SLC14A2: variants seen among roughly 807,000 people sequenced by gnomAD.
The protein encoded by SLC14A2 is urea transporter 2.
In SLC14A2, 91 loss-of-function variants were observed where a neutral mutation model predicts 104.6. That is an observed-to-expected ratio of 0.87 (90% CI 0.73 to 1.04). The LOEUF (loss-of-function observed/expected upper bound fraction) is 1.04, where lower values mean the gene tolerates loss of function less well. SLC14A2 is among the 50% of genes least tolerant of loss of function. The pLI, the probability that SLC14A2 is intolerant of heterozygous loss-of-function variation, is 0.00. For synonymous variants in SLC14A2, 476 were observed against 466.4 expected (o/e 1.02, Z -0.27); for missense variants, 1,189 against 1,156.0 (o/e 1.03, Z -0.41).
At chr18:45,171,759 C>T in the SLC14A2 span, among the ~76,000 whole-genome samples, 1 of 152,126 alleles carries the variant, frequency 6.6e-6, no homozygotes, top group Non-Finnish European at 1.5e-5. Context: ...TACCAGATAA[C>T]AGTAGGCCAA....
Position 45,624,732 on chromosome 18 carries a change from C to T in SLC14A2, c.68C>T (p.Ala23Val). The T allele has an allele frequency of 6.2e-7, 1 of 1,613,486 alleles. No individual in the cohort carries two copies. The highest frequency in any genetic ancestry group is 8.5e-7 in the Non-Finnish European group (1 of 1,179,682). Reference sequence around the variant, plus strand: ...TCCAGCAGATACAAACTCTACGAGGCAGAGTTTACCAGCCCGAGCTGGCCC... The same window carrying T: ...TCCAGCAGATACAAACTCTACGAGGTAGAGTTTACCAGCCCGAGCTGGCCC... ...PLSSRYKLYE[A>V]EFTSPSWPST... The change falls in exon 2 of 20, where the codon GCA (alanine) becomes GTA (valine). Residue 23 changes from alanine to valine, a missense_variant. Transcript: ENST00000255226.
At chr18:45,200,393 A>T in the SLC14A2 span, among the ~76,000 whole-genome samples, 4 of 152,208 alleles carry the variant, frequency 2.6e-5, no homozygotes, top group Non-Finnish European at 5.9e-5. Flanking sequence ...TACCTTTATC[A>T]ATACATTAGT....
At chr18:45,279,349 A>G (rs890157111) in intron 1 of SLC14A2, among the ~76,000 whole-genome samples, 2 of 152,348 alleles carry the variant, frequency 1.3e-5, no homozygotes, top group Middle Eastern at 3.4e-3. Context: ...GTTTCCTCGT[A>G]CTGCTCAGGT....
intron 2 of SLC14A2, among the ~76,000 whole-genome samples, chr18:45,508,353 A>G (rs941152291): frequency 6.6e-6 from 1 of 152,208 alleles, no homozygotes; most frequent in African/African-American, 2.4e-5. Flanking sequence ...TTAAATCATG[A>G]GAGCAGGTCT....
chr18:45,667,903 C>T lies in SLC14A2; in HGVS notation c.1788C>T (p.Asn596=). Residue 596 remains asparagine (N), a synonymous_variant, in exon 14 of 20, where the codon AAC becomes AAT. Coordinates refer to ENST00000255226, the MANE Select transcript of SLC14A2 (RefSeq NM_007163.4). The stretch of plus-strand genomic sequence containing the variant: ...CATCTCAAGTGATGTTTGTGAACAA[C>T]CCCCTCAGCGGCATCCTCATCATCC... ...RGTSQVMFVN[N]PLSGILIILG... is the part of the protein sequence containing the mutation. 1 of 1,614,100 alleles carries T rather than the reference C, an allele frequency of 6.2e-7. No homozygotes were observed. Among genetic ancestry groups the T allele is most frequent in the Non-Finnish European group, 8.5e-7 (1 of 1,179,956 alleles).
chr18:45,436,867 C>T (rs1217569336), intron 1 of SLC14A2: 1 of 151,982 alleles, frequency 6.6e-6, no homozygotes, highest in Non-Finnish European at 1.5e-5. Flanking sequence ...TGCATATTCA[C>T]ATCAAAAGGT....
chr18:45,196,438 C>G, the SLC14A2 span, among the ~76,000 whole-genome samples: 1 of 152,124 alleles, frequency 6.6e-6, no homozygotes, highest in Non-Finnish European at 1.5e-5. Flanking sequence ...TTTCCCTCTG[C>G]GAAGCTGTGA....
intron 1 of SLC14A2, among the ~76,000 whole-genome samples, chr18:45,457,929 G>A (rs1351792963): frequency 2.0e-5 from 3 of 152,192 alleles, no homozygotes; most frequent in Non-Finnish European, 2.9e-5. Context: ...ATGGGGAGAC[G>A]AGTGTCAAGA....
the SLC14A2 span, among the ~76,000 whole-genome samples, chr18:45,200,700 C>T: frequency 6.6e-6 from 1 of 152,034 alleles, no homozygotes; most frequent in African/African-American, 2.4e-5. Context: ...TGTTGAATGC[C>T]ATTGTTTTCA....
chr18:45,626,750 T>C (rs1266223194), intron 3 of SLC14A2, among the ~76,000 whole-genome samples: 1 of 152,102 alleles, frequency 6.6e-6, no homozygotes, highest in East Asian at 1.9e-4. Context: ...TACCACCCAC[T>C]GCAGAATGAT....
chr18:45,412,064 G>A (rs1447800590), intron 1 of SLC14A2, among the ~76,000 whole-genome samples: 1 of 152,138 alleles, frequency 6.6e-6, no homozygotes, highest in African/African-American at 2.4e-5. Context: ...TGAAGCATAT[G>A]CCCCTAAAAG....
At chr18:45,475,161 G>T (rs147354597) in intron 1 of SLC14A2, among the ~76,000 whole-genome samples, 38 of 152,306 alleles carry the variant, frequency 2.5e-4, no homozygotes, top group African/African-American at 9.1e-4. Context: ...GGAGCAGGTT[G>T]TTCAGTTTCC....
chr18:45,206,607 G>T, the SLC14A2 span, among the ~76,000 whole-genome samples: 3 of 152,060 alleles, frequency 2.0e-5, no homozygotes, highest in African/African-American at 7.2e-5. Context: ...AGCATCTATT[G>T]CAAATCTCTT....
At position 45,289,907 on chromosome 18, in the gene SLC14A2, T is replaced by C. The variant is rs565048630; in HGVS notation, c.-125+76716T>C. On this transcript the variant is annotated intron_variant, in intron 1 of 20. Coordinates refer to the SLC14A2 transcript ENST00000586448. ...ATCACTCAGTGGCCTGATAGATGAG[T>C]TGTTTACACTGAAAAAGAGAAATAT... Among the ~76,000 whole-genome samples, 235 of 152,210 alleles carry C rather than the reference T, an allele frequency of 1.5e-3. 1 individual carries two copies. Among genetic ancestry groups the C allele is most frequent in the Non-Finnish European group, 2.6e-3 (174 of 68,016 alleles).
intron 1 of SLC14A2, among the ~76,000 whole-genome samples, chr18:45,409,229 G>A (rs2086188309): frequency 1.3e-5 from 2 of 152,324 alleles, no homozygotes; most frequent in Admixed American, 6.5e-5. Flanking sequence ...ATAATCTACT[G>A]CAAGGAGCTG....
intron 2 of SLC14A2, among the ~76,000 whole-genome samples, chr18:45,600,128 G>T (rs538495608): frequency 6.6e-6 from 1 of 152,122 alleles, no homozygotes; most frequent in Non-Finnish European, 1.5e-5. Context: ...AATGTAGGGC[G>T]CTTGTTAAAA....
chr18:45,235,487 C>T (rs956030060), intron 1 of SLC14A2, among the ~76,000 whole-genome samples: 2 of 151,872 alleles, frequency 1.3e-5, no homozygotes, highest in Admixed American at 6.6e-5. Flanking sequence ...CTACAGTCAC[C>T]CTACAGTACT....
intron 1 of SLC14A2, among the ~76,000 whole-genome samples, chr18:45,361,269 G>A (rs978508228): frequency 6.6e-6 from 1 of 152,272 alleles, no homozygotes; most frequent in East Asian, 1.9e-4. Context: ...TCATCCCCCA[G>A]TAGCCACAGG....
intron 1 of SLC14A2, among the ~76,000 whole-genome samples, chr18:45,232,628 TCAC>T (rs1311420930): frequency 6.6e-6 from 1 of 152,202 alleles, no homozygotes; most frequent in Non-Finnish European, 1.5e-5. Flanking sequence ...CAGGAGGCTG[TCAC>T]CATAGACAAT....
Sources: allele counts gnomAD v4.1 joint callset (sites outside exome capture counted in the v4.1 genomes callset), GRCh38; gene constraint gnomAD v4.1.1; transcripts MANE v1.5; gene names NCBI Gene and HGNC (gene_info 2026-07-23, HGNC 2026-07-21).